Variants in KCNIP4 observed in about 807,000 individuals in gnomAD.
KCNIP4 encodes the protein potassium voltage-gated channel interacting protein 4.
A neutral mutation model predicts 34.0 loss-of-function variants in KCNIP4; 12 were observed. The observed-to-expected ratio is 0.35, with a 90% CI of 0.23 to 0.57. The LOEUF is 0.57. Ranked by LOEUF, KCNIP4 falls within the 20% of genes least tolerant of loss-of-function variation. KCNIP4 has a pLI of 0.83. For synonymous variants in KCNIP4, 124 were observed against 102.2 expected (o/e 1.21, Z -1.29); for missense variants, 238 against 311.7 (o/e 0.76, Z 1.78).
intron 1 of KCNIP4, among the ~76,000 whole-genome samples, chr4:21,721,298 T>C (rs1714805697): frequency 6.6e-6 from 1 of 152,218 alleles, no homozygotes; most frequent in Non-Finnish European, 1.5e-5. Flanking sequence ...CAAAAGATTA[T>C]GTATGATTAT....
Position 20,940,278 on chromosome 4 carries a change from T to C in KCNIP4, c.62-57569A>G, listed in dbSNP as rs181578158. 2.5e-3 allele frequency among the ~76,000 whole-genome samples: 375 copies of C among 152,332 alleles called. 1 individual carries two copies. Among genetic ancestry groups the C allele is most frequent in the Middle Eastern group, 6.8e-3 (2 of 294 alleles). ...TCAGTCGTTCTAAAATGAGTAATTA[T>C]TATAGCTGTCACTTAACTATTTTGT... On this transcript the variant is annotated intron_variant, in intron 1 of 8. Transcript: ENST00000382152.
At chr4:21,103,340 T>G (rs1281653477) in intron 1 of KCNIP4, among the ~76,000 whole-genome samples, 1 of 146,656 alleles carries the variant, frequency 6.8e-6, no homozygotes, top group Non-Finnish European at 1.5e-5. Flanking sequence ...ATATAATATA[T>G]AATATACATA....
intron 1 of KCNIP4, among the ~76,000 whole-genome samples, chr4:21,456,797 C>T (rs969290841): frequency 1.3e-5 from 2 of 151,990 alleles, no homozygotes; most frequent in Non-Finnish European, 2.9e-5. Context: ...TATTCCATTA[C>T]AAAATTATAA....
At chr4:21,111,292 C>T (rs930126780) in intron 1 of KCNIP4, among the ~76,000 whole-genome samples, 6 of 151,840 alleles carry the variant, frequency 4.0e-5, no homozygotes, top group Non-Finnish European at 4.4e-5. Context: ...GGCTCTGACG[C>T]GACAAAAGAT....
intron 1 of KCNIP4, among the ~76,000 whole-genome samples, chr4:21,886,599 C>G (rs1003735224): frequency 1.4e-4 from 21 of 152,154 alleles, no homozygotes; most frequent in African/African-American, 4.8e-4. Context: ...TCCATCAAAA[C>G]TGTAAATCCC....
chr4:21,795,707 C>A (rs1172080538), intron 1 of KCNIP4, among the ~76,000 whole-genome samples: 1 of 151,818 alleles, frequency 6.6e-6, no homozygotes, highest in African/African-American at 2.4e-5. Context: ...AAAAGAGATG[C>A]AAGGGTATAT....
intron 1 of KCNIP4, among the ~76,000 whole-genome samples, chr4:20,993,502 C>T (rs1386138511): frequency 6.6e-6 from 1 of 152,172 alleles, no homozygotes; most frequent in East Asian, 1.9e-4. Context: ...CAATGAATCA[C>T]TTTGACAAAA....
intron 1 of KCNIP4, among the ~76,000 whole-genome samples, chr4:21,558,102 C>A (rs1315455732): frequency 6.6e-6 from 1 of 152,066 alleles, no homozygotes; most frequent in Admixed American, 6.6e-5. Context: ...CAGAAACTTC[C>A]CGTAAACCAG....
intron 1 of KCNIP4, among the ~76,000 whole-genome samples, chr4:21,114,370 T>C (rs1749508803): frequency 6.6e-6 from 1 of 152,168 alleles, no homozygotes; most frequent in Non-Finnish European, 1.5e-5. Flanking sequence ...TTACTGCCAC[T>C]AATTAGTCTG....
At chr4:20,924,947 C>T (rs866048558) in intron 1 of KCNIP4, among the ~76,000 whole-genome samples, 8 of 152,120 alleles carry the variant, frequency 5.3e-5, no homozygotes, top group African/African-American at 1.4e-4. Context: ...TTTGTATGGA[C>T]TCAGTACACA....
At chr4:21,357,301 C>T (rs1718735181) in intron 1 of KCNIP4, among the ~76,000 whole-genome samples, 1 of 151,956 alleles carries the variant, frequency 6.6e-6, no homozygotes, top group South Asian at 2.1e-4. Flanking sequence ...GCAACAAAAG[C>T]CAAAATTGAC....
chr4:21,498,780 A>G (rs1284563335), intron 1 of KCNIP4, among the ~76,000 whole-genome samples: 1 of 152,188 alleles, frequency 6.6e-6, no homozygotes, highest in Non-Finnish European at 1.5e-5. Flanking sequence ...AGAAATAACA[A>G]CTGTGCAGAT....
intron 1 of KCNIP4, among the ~76,000 whole-genome samples, chr4:21,183,119 T>C (rs1754966763): frequency 6.6e-6 from 1 of 152,166 alleles, no homozygotes; most frequent in African/African-American, 2.4e-5. Context: ...CGTCTTTGTG[T>C]GCCTGGCTTC....
chr4:21,034,422 T>C (rs1332128177), intron 1 of KCNIP4, among the ~76,000 whole-genome samples: 1 of 152,180 alleles, frequency 6.6e-6, no homozygotes, highest in Non-Finnish European at 1.5e-5. Flanking sequence ...CTTATGTTCT[T>C]TCTGTTTTGT....
At chr4:21,924,004 T>C (rs1451917666) in intron 1 of KCNIP4, among the ~76,000 whole-genome samples, 1 of 152,076 alleles carries the variant, frequency 6.6e-6, no homozygotes, top group Non-Finnish European at 1.5e-5. Context: ...AGGTCAGGAG[T>C]ATAGGTTAAA....
intron 1 of KCNIP4, among the ~76,000 whole-genome samples, chr4:20,995,261 T>C (rs1737443176): frequency 1.3e-5 from 2 of 152,184 alleles, no homozygotes; most frequent in African/African-American, 4.8e-5. Context: ...TTTTCTCTGT[T>C]GGGTGCTGTG....
intron 1 of KCNIP4, among the ~76,000 whole-genome samples, chr4:21,667,486 C>T (rs758287225): frequency 6.6e-6 from 1 of 152,138 alleles, no homozygotes; most frequent in African/African-American, 2.4e-5. Context: ...GAATAGAAAG[C>T]TATAACAGTG....
chr4:21,233,171 A>G lies in KCNIP4; in HGVS notation c.62-350462T>C, dbSNP rs187378360. ...AGAACAGAGAAATAAGCAAAGATCA[A>G]GTAAGACAAAGATTGGGAAATGTCC... On this transcript the variant is annotated intron_variant, in intron 1 of 8. Coordinates refer to ENST00000382152, the MANE Select transcript of KCNIP4 (RefSeq NM_025221.6). Among the ~76,000 whole-genome samples, 3 of 152,284 alleles carry G rather than the reference A, an allele frequency of 2.0e-5. No individual in the cohort carries two copies. The East Asian group carries it at 5.8e-4, about 29-fold the overall frequency.
At chr4:21,006,166 C>T (rs1485206643) in intron 1 of KCNIP4, among the ~76,000 whole-genome samples, 2 of 152,168 alleles carry the variant, frequency 1.3e-5, no homozygotes, top group Non-Finnish European at 2.9e-5. Context: ...TAGATGAAGG[C>T]ACTATGCTGG....
Sources: gnomAD v4.1 joint callset for allele counts (sites outside exome capture counted in the v4.1 genomes callset) on GRCh38, gnomAD v4.1.1 for gene constraint, MANE v1.5 for transcripts, NCBI Gene and HGNC (gene_info 2026-07-23, HGNC 2026-07-21) for gene names.